LRRC20: variants seen among roughly 807,000 people sequenced by gnomAD.
LRRC20 encodes the protein leucine rich repeat containing 20.
In LRRC20, 11 loss-of-function variants were observed where a neutral mutation model predicts 14.4. That is an observed-to-expected ratio of 0.77 (90% CI 0.48 to 1.27). LRRC20 has a LOEUF of 1.27. Ranked by LOEUF, LRRC20 falls within the 50% of genes most tolerant of loss-of-function variation. The pLI is 0.00. For missense variants in LRRC20, 219 were observed against 251.2 expected, an observed-to-expected ratio of 0.87 and a Z score of 0.87; for synonymous variants, 121 against 107.3, an observed-to-expected ratio of 1.13 and a Z score of -0.79.
chr10:70,320,633 G>A (rs1315307285), intron 4 of LRRC20, among the ~76,000 whole-genome samples: 1 of 152,112 alleles, frequency 6.6e-6, no homozygotes, highest in African/African-American at 2.4e-5. Flanking sequence ...CACACACCAC[G>A]CCCGATGCTG....
chr10:70,319,242 AAAT>A, intron 4 of LRRC20, among the ~76,000 whole-genome samples: 1 of 152,174 alleles, frequency 6.6e-6, no homozygotes, highest in East Asian at 1.9e-4. Context: ...AGCTTAACTG[AAAT>A]AATAGTCTCC....
chr10:70,340,522 G>A, intron 3 of LRRC20, 31 bp downstream of exon 3: 1 of 1,613,390 alleles, frequency 6.2e-7, no homozygotes, highest in Non-Finnish European at 8.5e-7. Context: ...AGCTGGCCAT[G>A]CCCTCCTGGC....
chr10:70,351,257 G>T (rs1458679989), intron 2 of LRRC20, among the ~76,000 whole-genome samples: 1 of 151,918 alleles, frequency 6.6e-6, no homozygotes, highest in East Asian at 1.9e-4. Context: ...CTACCTTTCA[G>T]TGAATCTGGG....
chr10:70,373,552 CCT>C (rs1411940197), intron 2 of LRRC20, among the ~76,000 whole-genome samples: 1 of 152,190 alleles, frequency 6.6e-6, no homozygotes, highest in African/African-American at 2.4e-5. Context: ...ATTACAGGTG[CCT>C]ACTATGGCCA....
At chr10:70,308,053 C>T (rs1564610317) in intron 4 of LRRC20, among the ~76,000 whole-genome samples, 1 of 152,174 alleles carries the variant, frequency 6.6e-6, no homozygotes, top group Non-Finnish European at 1.5e-5. Flanking sequence ...TGTCGGCTCA[C>T]ATAGAAAGGA....
At chr10:70,308,447 C>T (rs1240004971) in intron 4 of LRRC20, among the ~76,000 whole-genome samples, 1 of 152,076 alleles carries the variant, frequency 6.6e-6, no homozygotes, top group East Asian at 1.9e-4. Context: ...AGCTTGCCTA[C>T]CCTTAGACTC....
intron 3 of LRRC20, among the ~76,000 whole-genome samples, chr10:70,331,252 G>A (rs1221078081): frequency 6.6e-6 from 1 of 152,152 alleles, no homozygotes; most frequent in East Asian, 1.9e-4. Flanking sequence ...ACCCTACACA[G>A]GGCACCTTAT....
intron 2 of LRRC20, among the ~76,000 whole-genome samples, chr10:70,350,545 C>G (rs895903921): frequency 7.2e-5 from 11 of 152,182 alleles, no homozygotes; most frequent in Admixed American, 2.0e-4. Context: ...GAACACTCAG[C>G]TGGAATTCAG....
chr10:70,336,023 C>T (rs982055667), intron 3 of LRRC20, among the ~76,000 whole-genome samples: 1 of 152,222 alleles, frequency 6.6e-6, no homozygotes, highest in Non-Finnish European at 1.5e-5. Context: ...CCTGCCTCCC[C>T]TGCAAGATCA....
intron 2 of LRRC20, among the ~76,000 whole-genome samples, chr10:70,347,954 G>A (rs780762305): frequency 1.4e-4 from 22 of 152,124 alleles, no homozygotes; most frequent in African/African-American, 1.7e-4. Context: ...TGTCACCTCC[G>A]ACACCTGCTT....
intron 2 of LRRC20, among the ~76,000 whole-genome samples, chr10:70,372,249 G>T (rs933337422): frequency 6.6e-6 from 1 of 152,014 alleles, no homozygotes; most frequent in East Asian, 1.9e-4. Context: ...AGAGTAATAC[G>T]TTCATTATAG....
At position 70,350,149 on chromosome 10, in the gene LRRC20, C is replaced by T. The variant is rs554829871; in HGVS notation, c.83-9447G>A. On this transcript the variant is annotated intron_variant, in intron 2 of 4. Coordinates refer to ENST00000446961, the MANE Select transcript of LRRC20 (RefSeq NM_001278212.2). ...AGTGCTAAATGGCGGTCACAGACCC[C>T]GACAGGGGTCAGGAATGGCATGGTA... Among the ~76,000 whole-genome samples, 20 of 147,626 alleles carry T rather than the reference C, an allele frequency of 1.4e-4. 1 individual carries two copies. Among genetic ancestry groups the T allele is most frequent in the Admixed American group, 8.6e-4 (13 of 15,152 alleles).
At chr10:70,367,879 C>G (rs118017757) in intron 2 of LRRC20, among the ~76,000 whole-genome samples, 5,743 of 150,956 alleles carry the variant, frequency 0.038, 165 homozygotes, top group East Asian at 0.055. Flanking sequence ...ATCTGGGAGG[C>G]CTGCTAAAAT....
At chr10:70,335,055 C>T (rs1251385435) in intron 3 of LRRC20, among the ~76,000 whole-genome samples, 2 of 152,178 alleles carry the variant, frequency 1.3e-5, no homozygotes, top group Non-Finnish European at 2.9e-5. Flanking sequence ...CCGAGGTCAC[C>T]CCTGGGAGGG....
At chr10:70,304,772 A>C (rs1841354328) in intron 4 of LRRC20, among the ~76,000 whole-genome samples, 1 of 152,078 alleles carries the variant, frequency 6.6e-6, no homozygotes, top group Admixed American at 6.6e-5. Flanking sequence ...TACCTCATAT[A>C]AGTGGACTCA....
chr10:70,343,344 G>T (rs1842978387), intron 2 of LRRC20, among the ~76,000 whole-genome samples: 1 of 152,140 alleles, frequency 6.6e-6, no homozygotes, highest in Admixed American at 6.6e-5. Context: ...ATGTGGTTTT[G>T]GGGGGGAAAA....
At chr10:70,309,951 C>A (rs553912902) in intron 4 of LRRC20, among the ~76,000 whole-genome samples, 1 of 152,356 alleles carries the variant, frequency 6.6e-6, no homozygotes, top group East Asian at 1.9e-4. Context: ...GTTTCCACGT[C>A]TGCCACAGAG....
At chr10:70,362,812 G>T (rs1007193128) in intron 2 of LRRC20, among the ~76,000 whole-genome samples, 3 of 152,162 alleles carry the variant, frequency 2.0e-5, no homozygotes, top group African/African-American at 7.2e-5. Flanking sequence ...GTGAGGGCAG[G>T]GGGTGCTACT....
chr10:70,368,117 G>GAGACTAC (rs1487020754), intron 2 of LRRC20, among the ~76,000 whole-genome samples: 1 of 149,208 alleles, frequency 6.7e-6, no homozygotes, highest in Non-Finnish European at 1.5e-5. Context: ...TCAAGTAGCT[G>GAGACTAC]AGACTACAGG....
Sources: allele counts gnomAD v4.1 joint callset (sites outside exome capture counted in the v4.1 genomes callset), GRCh38; gene constraint gnomAD v4.1.1; transcripts MANE v1.5; gene names NCBI Gene and HGNC (gene_info 2026-07-23, HGNC 2026-07-21).